VPS13B: variants seen among roughly 807,000 people sequenced by gnomAD.
The protein encoded by VPS13B is vacuolar protein sorting 13 homolog B, also known as intermembrane lipid transfer protein VPS13B.
VPS13B carries 285 observed loss-of-function variants against 426.4 expected under a neutral mutation model. The observed-to-expected ratio is 0.67, with a 90% CI of 0.61 to 0.74. The LOEUF is 0.74. Among genes scored for constraint, VPS13B ranks in the 30% least tolerant of loss-of-function variants. The probability of loss-of-function intolerance (pLI) is 0.00; values close to 1 mark genes in which losing one functional copy is unlikely to be tolerated. For missense variants in VPS13B, 4,537 were observed against 4,782.6 expected (o/e 0.95, Z 1.51); for synonymous variants, 1,676 against 1,676.4 (o/e 1.00, Z 0.01).
intron 19 of VPS13B, among the ~76,000 whole-genome samples, chr8:99,377,665 G>A (rs546986439): frequency 9.2e-5 from 14 of 152,120 alleles, no homozygotes; most frequent in Middle Eastern, 3.4e-3. Flanking sequence ...CCTAAGTGTT[G>A]GCTGGTCTTA....
intron 33 of VPS13B, among the ~76,000 whole-genome samples, chr8:99,606,621 TTTCTTTTC>T (rs1285511877): frequency 6.7e-6 from 1 of 148,416 alleles, no homozygotes; most frequent in Non-Finnish European, 1.5e-5. Context: ...TCTTTTTCTT[TTTCTTTTC>T]TTTTTTTTTT....
chr8:99,429,590 A>G (rs899645581), intron 21 of VPS13B: 3 of 152,144 alleles, frequency 2.0e-5, no homozygotes, highest in Admixed American at 6.5e-5. Context: ...CCAGTCTCTC[A>G]GTCCTAATAC....
chr8:99,367,643 T>G (rs1812963244), intron 19 of VPS13B, among the ~76,000 whole-genome samples: 1 of 152,206 alleles, frequency 6.6e-6, no homozygotes. Flanking sequence ...TTTGACCTTT[T>G]GAATTTATTT....
intron 23 of VPS13B, among the ~76,000 whole-genome samples, chr8:99,464,678 T>C (rs1381239310): frequency 6.6e-6 from 1 of 152,200 alleles, no homozygotes; most frequent in Non-Finnish European, 1.5e-5. Context: ...CACTCATTTG[T>C]AAGTTTAATA....
chr8:99,687,494 T>C (rs964040292), intron 35 of VPS13B, among the ~76,000 whole-genome samples: 4 of 152,006 alleles, frequency 2.6e-5, no homozygotes, highest in African/African-American at 9.7e-5. Flanking sequence ...TGGCAAGGCT[T>C]GCCAGAACTC....
At chr8:99,237,871 ATT>A (rs11313632) in intron 17 of VPS13B, among the ~76,000 whole-genome samples, 14,682 of 147,490 alleles carry the variant, frequency 0.1, 1,232 homozygotes, top group African/African-American at 0.23. Flanking sequence ...GGTTGGGGTT[ATT>A]TTTTTTTTTT....
chr8:99,496,525 C>T (rs1328332062), intron 25 of VPS13B, among the ~76,000 whole-genome samples: 2 of 152,110 alleles, frequency 1.3e-5, no homozygotes, highest in African/African-American at 4.8e-5. Flanking sequence ...GTGGCAGGCA[C>T]CTGTAGTCCC....
Position 99,520,970 on chromosome 8 carries a change from A to G in VPS13B, c.4705A>G (p.Asn1569Asp). Reference protein sequence around the residue: ...GSVAMAPQADNPLGRSVLRKD... With the variant: ...GSVAMAPQADDPLGRSVLRKD... The stretch of plus-strand genomic sequence containing the variant: ...TGTTGCCATGGCTCCCCAGGCTGAC[A>G]ATCCCCTTGGCAGATCTGTCCTTAG... The change falls in exon 30 of 62, where the codon AAT becomes GAT. Residue 1569 changes from asparagine to aspartate, a missense_variant. Physicochemically the swap from Asn to Asp is conservative, Grantham distance 23 (BLOSUM62 1). Transcript: ENST00000357162. 3 of 1,613,816 alleles carry G rather than the reference A, an allele frequency of 1.9e-6. No homozygotes were observed. The highest frequency in any genetic ancestry group is 2.5e-6 in the Non-Finnish European group (3 of 1,179,724).
At chr8:99,082,986 C>T (rs982825783) in intron 3 of VPS13B, among the ~76,000 whole-genome samples, 1 of 152,010 alleles carries the variant, frequency 6.6e-6, no homozygotes, top group Non-Finnish European at 1.5e-5. Flanking sequence ...TAGTTTTTTC[C>T]AATTCTGTGA....
chr8:99,203,255 A>G (rs1320080008), intron 17 of VPS13B, among the ~76,000 whole-genome samples: 1 of 152,186 alleles, frequency 6.6e-6, no homozygotes, highest in African/African-American at 2.4e-5. Context: ...AGAACCATTG[A>G]CAAAAACCAC....
chr8:99,284,204 T>G (rs917624983), intron 19 of VPS13B, among the ~76,000 whole-genome samples: 1 of 152,224 alleles, frequency 6.6e-6, no homozygotes, highest in African/African-American at 2.4e-5. Context: ...GTTTAAAATA[T>G]TTTTTCTTTT....
At chr8:99,415,010 T>G (rs558713936) in intron 21 of VPS13B, among the ~76,000 whole-genome samples, 13 of 152,166 alleles carry the variant, frequency 8.5e-5, no homozygotes, top group Non-Finnish European at 1.5e-4. Flanking sequence ...TTTTCCAACT[T>G]GGTTCCATTT....
At chr8:99,272,926 A>G (rs1418479347) in intron 17 of VPS13B, among the ~76,000 whole-genome samples, 6 of 152,140 alleles carry the variant, frequency 3.9e-5, no homozygotes, top group Non-Finnish European at 8.8e-5. Context: ...TTGAGAGCCA[A>G]TATTGACTCT....
intron 19 of VPS13B, among the ~76,000 whole-genome samples, chr8:99,290,546 C>CTAATGTATAT (rs1563649846): frequency 3.7e-4 from 56 of 151,632 alleles, no homozygotes; most frequent in African/African-American, 1.3e-3. Flanking sequence ...AGGAGATATA[C>CTAATGTATAT]CTAATGTAAA....
At chr8:99,326,432 T>G (rs1810262006) in intron 19 of VPS13B, among the ~76,000 whole-genome samples, 1 of 145,294 alleles carries the variant, frequency 6.9e-6, no homozygotes, top group Admixed American at 6.9e-5. Context: ...GCAGAATTTC[T>G]ATCTATCATC....
At chr8:99,169,954 A>C (rs991100257) in intron 15 of VPS13B, 85 bp from the exon 16 acceptor site, 1 of 1,512,896 alleles carries the variant, frequency 6.6e-7, no homozygotes, top group Non-Finnish European at 9.2e-7. Context: ...AGCTGTTGTA[A>C]AGCAAGTTGA....
At chr8:99,806,535 AG>A (rs1813411572) in intron 43 of VPS13B, among the ~76,000 whole-genome samples, 1 of 152,152 alleles carries the variant, frequency 6.6e-6, no homozygotes, top group Non-Finnish European at 1.5e-5. Flanking sequence ...TGTGATCATA[AG>A]CTCCTTGTGG....
intron 31 of VPS13B, among the ~76,000 whole-genome samples, chr8:99,560,257 T>C (rs1178858417): frequency 6.6e-6 from 1 of 152,168 alleles, no homozygotes; most frequent in Non-Finnish European, 1.5e-5. Context: ...ACATTGATTT[T>C]GTATCCTGAG....
At chr8:99,237,362 A>G (rs185065266) in intron 17 of VPS13B, among the ~76,000 whole-genome samples, 136 of 152,356 alleles carry the variant, frequency 8.9e-4, no homozygotes, top group African/African-American at 3.0e-3. Flanking sequence ...ATAGAGGATT[A>G]TATCTCTTTA....
Sources: gnomAD v4.1 joint callset for allele counts (sites outside exome capture counted in the v4.1 genomes callset) on GRCh38, gnomAD v4.1.1 for gene constraint, MANE v1.5 for transcripts, NCBI Gene and HGNC (gene_info 2026-07-23, HGNC 2026-07-21) for gene names.